The following PML variants were observed in gnomAD, a reference collection of about 807,000 sequenced individuals.
The protein encoded by PML is PML nuclear body scaffold, also known as protein PML.
In PML, 28 loss-of-function variants were observed where a neutral mutation model predicts 65.2. The observed-to-expected ratio is 0.43, with a 90% CI of 0.32 to 0.59. The LOEUF (loss-of-function observed/expected upper bound fraction) is 0.59, where lower values mean the gene tolerates loss of function less well. Among genes scored for constraint, PML ranks in the 20% least tolerant of loss-of-function variants. The pLI is 0.08. For synonymous variants in PML, 500 were observed against 508.8 expected (o/e 0.98, Z 0.23); for missense variants, 1,021 against 1,203.4 (o/e 0.85, Z 2.24).
rs1386372884 is a variant in PML at position 74,037,321 on chromosome 15, C to T, written c.1710+2791C>T. ...TTACAGATCCCCATCGCACCCCTTCCCTGCCCTCGTTAGGGTGGAAGGGAT... is the reference window on the plus strand; with the variant it reads ...TTACAGATCCCCATCGCACCCCTTCTCTGCCCTCGTTAGGGTGGAAGGGAT... On this transcript the variant is annotated intron_variant, in intron 7 of 8. Transcript: ENST00000268058. The surrounding 1 kb of genome is among the most constrained non-coding windows in gnomAD (Gnocchi z 4.2). 1.0e-6 allele frequency: 1 copy of T among 985,336 alleles called. No individual in the cohort carries two copies. The highest frequency in any genetic ancestry group is 1.2e-6 in the Non-Finnish European group (1 of 829,934). 61.0% of individuals were successfully genotyped at this position (985,336 alleles called of 1,614,324 possible). A position where few individuals can be genotyped will look rare whatever the true frequency, so the allele number is the denominator to read the frequency against.
intron 2 of PML, among the ~76,000 whole-genome samples, chr15:74,002,657 T>C (rs1595880318): frequency 1.3e-5 from 2 of 150,334 alleles, no homozygotes; most frequent in East Asian, 2.0e-4. Context: ...GGTTTCATTA[T>C]GTTGGCCAGG....
In PML at chr15:74,046,290, G is replaced by A. The variant is rs1438035530; in HGVS notation, c.*1282G>A. 4.3e-6 allele frequency: 1 copy of A among 233,146 alleles called. No individual in the cohort carries two copies. Among genetic ancestry groups the A allele is most frequent in the African/African-American group, 2.2e-5 (1 of 45,356 alleles). 14.4% of individuals were successfully genotyped at this position (233,146 alleles called of 1,614,324 possible). Reference sequence around the variant, plus strand: ...GAGGTCAACAGCAGAACAGAGGCAGGTCAGGGTTGTCCGCTCTGATTAGCA... The same window carrying A: ...GAGGTCAACAGCAGAACAGAGGCAGATCAGGGTTGTCCGCTCTGATTAGCA... On this transcript the variant is annotated 3_prime_UTR_variant, in exon 9 of 9. Coordinates refer to ENST00000268058, the MANE Select transcript of PML (RefSeq NM_033238.3).
At chr15:74,003,177 T>C (rs192036832) in intron 2 of PML, among the ~76,000 whole-genome samples, 25 of 151,878 alleles carry the variant, frequency 1.6e-4, no homozygotes, top group Middle Eastern at 3.4e-3. Flanking sequence ...CTCACGCTTG[T>C]AATCCCAGCA....
chr15:74,015,595 G>A (rs2070534673), intron 2 of PML, among the ~76,000 whole-genome samples: 1 of 152,204 alleles, frequency 6.6e-6, no homozygotes, highest in South Asian at 2.1e-4. Context: ...CAACAGGTGC[G>A]GCTATAGTGG....
chr15:74,003,394 T>C (rs1051803596), intron 2 of PML, among the ~76,000 whole-genome samples: 1 of 152,096 alleles, frequency 6.6e-6, no homozygotes, highest in Non-Finnish European at 1.5e-5. Context: ...ATTGTGCCAC[T>C]GCACTCCAGC....
chr15:74,027,738 C>T (rs754399707), intron 4 of PML: 8 of 152,254 alleles, frequency 5.3e-5, no homozygotes, highest in African/African-American at 7.2e-5. Flanking sequence ...TGGCCTCTCA[C>T]TATCAGCTAG....
chr15:74,046,663 G>C lies in PML; in HGVS notation c.*1655G>C, dbSNP rs2071774141. 4.3e-6 allele frequency: 1 copy of C among 232,758 alleles called. No homozygotes were observed. The highest frequency in any genetic ancestry group is 1.8e-4 in the South Asian group (1 of 5,518). 14.4% of individuals were successfully genotyped at this position (232,758 alleles called of 1,614,324 possible). A position where few individuals can be genotyped will look rare whatever the true frequency, so the allele number is the denominator to read the frequency against. On this transcript the variant is annotated 3_prime_UTR_variant, in exon 9 of 9. Transcript: ENST00000268058. Reference sequence around the variant, plus strand: ...CAGATGGAAGGAGGAAGGGAGACTGGGCCCACTGATTTCCAGCCCCACCAT... The same window carrying C: ...CAGATGGAAGGAGGAAGGGAGACTGCGCCCACTGATTTCCAGCCCCACCAT...
chr15:74,044,044 G>C (rs1033287066), intron 8 of PML, among the ~76,000 whole-genome samples, 177 bp from the exon 9 acceptor site: 1 of 152,132 alleles, frequency 6.6e-6, no homozygotes, highest in Admixed American at 6.5e-5. Flanking sequence ...CCTTCTGACT[G>C]CTATCCCACC....
rs1294566437 is a variant in PML at position 74,023,090 on chromosome 15, C to G, written c.865C>G (p.His289Asp). ...CGAGCGCGTGCGCCAGGTGGTAGCTCACGTGCGGGCTCAGGAGCGCGAGCT... is the reference window on the plus strand; with the variant it reads ...CGAGCGCGTGCGCCAGGTGGTAGCTGACGTGCGGGCTCAGGAGCGCGAGCT... ...IRERVRQVVA[H>D]VRAQERELLE... is the part of the protein sequence containing the mutation. Residue 289 changes from histidine (H) to aspartate (D), a missense_variant, in exon 3 of 9, where the codon CAC (histidine) becomes GAC (aspartate). Physicochemically the swap from His to Asp is moderately conservative, Grantham distance 81 (BLOSUM62 -1). Transcript: ENST00000268058. 1 of 1,602,874 alleles carries G rather than the reference C, an allele frequency of 6.2e-7. No homozygotes were observed. The highest frequency in any genetic ancestry group is 8.5e-7 in the Non-Finnish European group (1 of 1,178,840).
At chr15:74,044,071 C>T (rs2141897894) in intron 8 of PML, 150 bp from the exon 9 acceptor site, 2 of 728,554 alleles carry the variant, frequency 2.7e-6, no homozygotes, top group Admixed American at 2.0e-5. Flanking sequence ...AGGATCAGAG[C>T]TGCATTTGGG....
chr15:74,017,241 A>T (rs1380793085), intron 2 of PML, among the ~76,000 whole-genome samples: 1 of 152,220 alleles, frequency 6.6e-6, no homozygotes, highest in African/African-American at 2.4e-5. Flanking sequence ...CATTGGAAGC[A>T]TATATGGGTA....
chr15:74,023,050 C>T lies in PML; in HGVS notation c.825C>T (p.Thr275=), dbSNP rs2141833947. Residue 275 remains threonine, a synonymous_variant, in exon 3 of 9, where the codon ACC becomes ACT. Coordinates refer to ENST00000268058, the MANE Select transcript of PML (RefSeq NM_033238.3). ...VGQLGRARAE[T]EELIRERVRQ... Reference sequence around the variant, plus strand: ...AGCTGGGCCGCGCGCGTGCCGAGACCGAGGAGCTGATCCGCGAGCGCGTGC... The same window carrying T: ...AGCTGGGCCGCGCGCGTGCCGAGACTGAGGAGCTGATCCGCGAGCGCGTGC... 2 of 1,604,138 alleles carry T rather than the reference C, an allele frequency of 1.2e-6. No homozygotes were observed. Among genetic ancestry groups the T allele is most frequent in the African/African-American group, 1.3e-5 (1 of 74,962 alleles).
chr15:74,015,399 A>C (rs1329432889), intron 2 of PML, among the ~76,000 whole-genome samples: 1 of 152,224 alleles, frequency 6.6e-6, no homozygotes, highest in Non-Finnish European at 1.5e-5. Flanking sequence ...CACTCTACCA[A>C]AGTGAAAGTG....
Position 74,033,211 on chromosome 15 carries a change from C to T in PML, c.1454C>T (p.Pro485Leu), listed in dbSNP as rs766886570. Residue 485 changes from proline to leucine, a missense_variant, in exon 6 of 9, where the codon CCC becomes CTC. Pro to Leu is a moderately conservative substitution (Grantham distance 98, BLOSUM62 -3). Transcript: ENST00000268058. ...QKRKCSQTQC[P>L]RKVIKMESEE... is the part of the protein sequence containing the mutation. ...AGGAAGTGCAGCCAGACCCAGTGCC[C>T]CAGGAAGGTCATCAAGATGGAGTCT... 1 of 1,614,154 alleles carries T rather than the reference C, an allele frequency of 6.2e-7. No homozygotes were observed. Among genetic ancestry groups the T allele is most frequent in the South Asian group, 1.1e-5 (1 of 91,084 alleles).
intron 2 of PML, among the ~76,000 whole-genome samples, chr15:74,019,821 C>G (rs1203397532): frequency 1.3e-5 from 2 of 152,188 alleles, no homozygotes; most frequent in South Asian, 2.1e-4. Context: ...CCTCATTTCT[C>G]CATGGAGAAT....
rs2071586599 is a variant in PML at position 74,037,097 on chromosome 15, T to C, written c.1710+2567T>C. The stretch of plus-strand genomic sequence containing the variant: ...CTGCAGGAGAAAGGCCTGGGAAAAC[T>C]ATGAGTGGTTGCCTGTGACTGCTAA... On this transcript the variant is annotated intron_variant, in intron 7 of 8. Transcript: ENST00000268058. This position sits in a 1 kb window ranked among gnomAD's most constrained non-coding sequence, Gnocchi z 4.2. 15 of 985,278 alleles carry C rather than the reference T, an allele frequency of 1.5e-5. No individual in the cohort carries two copies. The highest frequency in any genetic ancestry group is 1.8e-5 in the Non-Finnish European group (15 of 829,916). 61.0% of individuals were successfully genotyped at this position (985,278 alleles called of 1,614,324 possible).
intron 4 of PML, chr15:74,025,165 G>C (rs1236623999): frequency 5.5e-6 from 3 of 546,154 alleles, no homozygotes; most frequent in Non-Finnish European, 1.0e-5. Context: ...CCATGAGCCA[G>C]GTTCAGTGGG....
intron 7 of PML, among the ~76,000 whole-genome samples, chr15:74,038,140 C>A (rs1189749546): frequency 6.6e-6 from 1 of 152,132 alleles, no homozygotes; most frequent in Non-Finnish European, 1.5e-5. Context: ...GCACTTCTTT[C>A]CATCCCATAA....
At chr15:74,030,598 G>A (rs187371685) in intron 4 of PML, among the ~76,000 whole-genome samples, 7 of 152,230 alleles carry the variant, frequency 4.6e-5, no homozygotes, top group Admixed American at 3.9e-4. Flanking sequence ...GCAGTGAGCC[G>A]AGATAGTGCC....
Sources: allele counts gnomAD v4.1 joint callset (sites outside exome capture counted in the v4.1 genomes callset), GRCh38; gene constraint gnomAD v4.1.1; non-coding constraint Gnocchi (gnomAD v3.1); transcripts MANE v1.5; gene names NCBI Gene and HGNC (gene_info 2026-07-23, HGNC 2026-07-21).